The following ATAD3C variants were observed in gnomAD, a reference collection of about 807,000 sequenced individuals.
ATAD3C encodes the protein ATPase family AAA domain-containing protein 3C.
A neutral mutation model predicts 46.3 loss-of-function variants in ATAD3C; 38 were observed. The observed-to-expected ratio is 0.82, with a 90% CI of 0.63 to 1.08. The LOEUF (loss-of-function observed/expected upper bound fraction) is 1.08. ATAD3C is among the 50% of genes least tolerant of loss of function. The pLI is 0.00. For missense variants in ATAD3C, 563 were observed against 572.7 expected, an observed-to-expected ratio of 0.98 and a Z score of 0.17; for synonymous variants, 220 against 236.4, an observed-to-expected ratio of 0.93 and a Z score of 0.63.
intron 4 of ATAD3C, among the ~76,000 whole-genome samples, chr1:1,454,783 C>G (rs1427429242): frequency 6.6e-6 from 1 of 151,794 alleles, no homozygotes; most frequent in Non-Finnish European, 1.5e-5. Flanking sequence ...GGGTGTGCGG[C>G]CGTCTGTCGG....
intron 10 of ATAD3C, among the ~76,000 whole-genome samples, chr1:1,461,852 G>A (rs1317785062): frequency 6.6e-6 from 1 of 152,148 alleles, no homozygotes; most frequent in Non-Finnish European, 1.5e-5. Context: ...GCCTCGTGGT[G>A]TGGGGCGCGG....
intron 8 of ATAD3C, among the ~76,000 whole-genome samples, 162 bp from the exon 9 acceptor site, chr1:1,458,999 G>A (rs762759661): frequency 5.3e-5 from 8 of 151,902 alleles, no homozygotes; most frequent in Non-Finnish European, 7.4e-5. Context: ...GGTTACATTC[G>A]TGAGTCACCG....
At chr1:1,454,635 G>A (rs1312479220) in intron 4 of ATAD3C, 135 bp downstream of exon 4, 1 of 1,414,770 alleles carries the variant, frequency 7.1e-7, no homozygotes, top group African/African-American at 1.5e-5. Context: ...CTGCTTCACG[G>A]GTGGGTTTTC....
chr1:1,465,042 T>C (rs138607454), intron 11 of ATAD3C, among the ~76,000 whole-genome samples: 3 of 151,220 alleles, frequency 2.0e-5, no homozygotes, highest in Admixed American at 6.6e-5. Flanking sequence ...CGCGCCAACA[T>C]GCCCGGCTAA....
intron 11 of ATAD3C, among the ~76,000 whole-genome samples, chr1:1,464,309 G>T (rs1639114475): frequency 6.6e-6 from 1 of 151,854 alleles, no homozygotes; most frequent in African/African-American, 2.4e-5. Context: ...CCAAGGTCAG[G>T]GTGCCAGCTC....
intron 3 of ATAD3C, among the ~76,000 whole-genome samples, chr1:1,453,857 T>A (rs909143422): frequency 1.7e-4 from 26 of 151,728 alleles, no homozygotes; most frequent in African/African-American, 6.3e-4. Context: ...GTTAGGCTGG[T>A]CTTCAACTCT....
chr1:1,463,777 T>A (rs1422196108), intron 11 of ATAD3C, among the ~76,000 whole-genome samples: 1 of 151,858 alleles, frequency 6.6e-6, no homozygotes, highest in Non-Finnish European at 1.5e-5. Context: ...CTAGACCTAG[T>A]GGTGCATACC....
chr1:1,455,468 C>G lies in ATAD3C; in HGVS notation c.387C>G (p.Ser129Arg). Residue 129 changes from serine to arginine, a missense_variant, in exon 5 of 12, where the codon AGC becomes AGG. Coordinates refer to ENST00000378785, the MANE Select transcript of ATAD3C (RefSeq NM_001039211.3). The part of the protein sequence containing the change: ...EALRHPIQQV[S>R]RRLLSRPQDV... Reference sequence around the variant, plus strand: ...TTCCCCTTCCCCTCCAGCAGGTCAGCCGGCGGCTCCTCAGTCGACCCCAGG... The same window carrying G: ...TTCCCCTTCCCCTCCAGCAGGTCAGGCGGCGGCTCCTCAGTCGACCCCAGG... 1 of 1,612,346 alleles carries G rather than the reference C, an allele frequency of 6.2e-7. No individual in the cohort carries two copies.
In ATAD3C at chr1:1,454,532, C is replaced by G. The variant is rs749913738; in HGVS notation, c.378+32C>G. The G allele has an allele frequency of 3.8e-6, 6 of 1,591,852 alleles. No homozygotes were observed. The Admixed American group carries it at 1.0e-4, about 28-fold the overall frequency. On this transcript the variant is annotated intron_variant, in intron 4 of 11. Transcript: ENST00000378785. ...GCGCAGGCCTGGCCCTCCCTGAGTG[C>G]AAGTGCCTGGCTGAGTCCCTTCTGC...
chr1:1,452,128 C>T lies in ATAD3C; in HGVS notation c.152+6C>T, dbSNP rs138003753. On this transcript the variant is annotated splice_donor_region_variant and intron_variant, in intron 2 of 11. Coordinates refer to ENST00000378785, the MANE Select transcript of ATAD3C (RefSeq NM_001039211.3). ...ACCTTCTTGGAGTCCATCAGGTGAG[C>T]GCTGCCGAGGCCCGGGCCGGCCGCA... 476 of 1,612,952 alleles carry T rather than the reference C, an allele frequency of 3.0e-4. 4 individuals carry two copies. In the African/African-American group the frequency reaches 5.0e-3, roughly 17 times the overall value.
chr1:1,457,026 C>T (rs997818108), intron 7 of ATAD3C, 103 bp from the exon 8 acceptor site: 151 of 1,507,696 alleles, frequency 1.0e-4, no homozygotes, highest in Non-Finnish European at 1.2e-4. Flanking sequence ...AGCCTGACCC[C>T]GTGGGGATCT....
Position 1,462,448 on chromosome 1 carries a change from G to A in ATAD3C, c.981-152G>A. On this transcript the variant is annotated intron_variant, in intron 10 of 11. Coordinates refer to ENST00000378785, the MANE Select transcript of ATAD3C (RefSeq NM_001039211.3). This position sits in a 1 kb window ranked among gnomAD's most constrained non-coding sequence, Gnocchi z 4.5. ...CTCAGCCCAGGCCTGGCTTGCGTCA[G>A]GAAGGGGGCGGAACTTGGCTGTCAC... 2.4e-6 allele frequency: 2 copies of A among 825,958 alleles called. No individual in the cohort carries two copies. Among genetic ancestry groups the A allele is most frequent in the Non-Finnish European group, 3.9e-6 (2 of 516,762 alleles). The allele number at this position is 825,958 out of a possible 1,614,324, so 51.2% of individuals were successfully genotyped here.
Position 1,450,317 on chromosome 1 carries a change from C to T in ATAD3C, c.-367C>T, listed in dbSNP as rs1420533657. ...TCCAGCCTGGGCCAGAATGAGACTC[C>T]GTCTCAAAAAAAAAAAAAAAAAAAG... On this transcript the variant is annotated 5_prime_UTR_variant, in exon 1 of 12. Coordinates refer to ENST00000378785, the MANE Select transcript of ATAD3C (RefSeq NM_001039211.3). The T allele has an allele frequency of 2.3e-4, 43 of 186,486 alleles. No homozygotes were observed. Among genetic ancestry groups the T allele is most frequent in the African/African-American group, 3.9e-4 (10 of 25,478 alleles). 11.6% of individuals were successfully genotyped at this position (186,486 alleles called of 1,614,324 possible). A position where few individuals can be genotyped will look rare whatever the true frequency, so the allele number is the denominator to read the frequency against.
chr1:1,454,476 T>G lies in ATAD3C; in HGVS notation c.354T>G (p.Leu118=), dbSNP rs1781146. The G allele has an allele frequency of 8.5e-4, 1,371 of 1,607,188 alleles. 15 individuals are homozygous for G. The African/African-American group carries it at 9.5e-3, about 11-fold the overall frequency. ...GGGAGACGTCCCGCATCACGGTGCTTGAGGCGCTGCGGCACCCCATCCAGG... is the reference window on the plus strand; with the variant it reads ...GGGAGACGTCCCGCATCACGGTGCTGGAGGCGCTGCGGCACCCCATCCAGG... ...LVRETSRITV[L]EALRHPIQQV... The change falls in exon 4 of 12, where the codon CTT becomes CTG. Residue 118 remains leucine, a synonymous_variant. Transcript: ENST00000378785.
In ATAD3C at chr1:1,455,386, G is replaced by A. The variant is rs188324456; in HGVS notation, c.379-74G>A. 3.0e-4 allele frequency: 476 copies of A among 1,574,890 alleles called. 6 individuals are homozygous for A. Among genetic ancestry groups the A allele is most frequent in the Non-Finnish European group, 3.0e-4 (342 of 1,156,638 alleles). On this transcript the variant is annotated intron_variant, in intron 4 of 11. Transcript: ENST00000378785. The stretch of plus-strand genomic sequence containing the variant: ...GGCAGCTCCGTTTCTGCGTGTTACC[G>A]AGCTTGTGTGTGCGTTGGTGGCTGT...
At chr1:1,457,678 T>TTTTG (rs1638989875) in intron 8 of ATAD3C, among the ~76,000 whole-genome samples, 2 of 150,930 alleles carry the variant, frequency 1.3e-5, no homozygotes, top group African/African-American at 4.9e-5. Context: ...GTGTTTTTTG[T>TTTTG]TTTGTTTTGT....
rs1010578207 is a variant in ATAD3C at position 1,468,957 on chromosome 1, G to A, written c.*427G>A. 7.2e-5 allele frequency: 15 copies of A among 207,802 alleles called. No homozygotes were observed. Among genetic ancestry groups the A allele is most frequent in the Non-Finnish European group, 9.7e-5 (10 of 103,142 alleles). The allele number at this position is 207,802 out of a possible 1,614,324, so 12.9% of individuals were successfully genotyped here. ...TAGATGCCGCCCCTGCCCGCGCTTT[G>A]CAGCTAGTCCCTGCAAACCTTGATG... is the stretch of plus-strand genomic sequence containing the variant. On this transcript the variant is annotated 3_prime_UTR_variant, in exon 12 of 12. Transcript: ENST00000378785.
chr1:1,457,954 G>A (rs1638995346), intron 8 of ATAD3C, among the ~76,000 whole-genome samples: 1 of 149,300 alleles, frequency 6.7e-6, no homozygotes, highest in Non-Finnish European at 1.5e-5. Context: ...GGTATTATAG[G>A]TGTGAGCCAC....
rs1377625706 is a variant in ATAD3C, at chr1:1,450,073, A to C, written c.-611A>C. 1 of 152,244 alleles carries C rather than the reference A, an allele frequency of 6.6e-6. No individual in the cohort carries two copies. Among genetic ancestry groups the C allele is most frequent in the Non-Finnish European group, 1.5e-5 (1 of 68,158 alleles). The allele number at this position is 152,244 out of a possible 1,614,324, so 9.4% of individuals were successfully genotyped here. A position where few individuals can be genotyped will look rare whatever the true frequency, so the allele number is the denominator to read the frequency against. ...GCCGGGCGCGGTGGCTCACACCTGT[A>C]ATCCCAGCACTTTGGGAGGCTGAGG... On this transcript the variant is annotated 5_prime_UTR_variant, in exon 1 of 12. Coordinates refer to ENST00000378785, the MANE Select transcript of ATAD3C (RefSeq NM_001039211.3).
Sources: allele counts gnomAD v4.1 joint callset (sites outside exome capture counted in the v4.1 genomes callset), GRCh38; gene constraint gnomAD v4.1.1; non-coding constraint Gnocchi (gnomAD v3.1); transcripts MANE v1.5; gene names NCBI Gene and HGNC (gene_info 2026-07-23, HGNC 2026-07-21).